COQ5: variants seen among roughly 807,000 people sequenced by gnomAD.
COQ5 encodes the protein coenzyme Q5, methyltransferase, also known as 2-methoxy-6-polyprenyl-1,4-benzoquinol methylase, mitochondrial.
In COQ5, 27 loss-of-function variants were observed where a neutral mutation model predicts 40.5. That is an observed-to-expected ratio of 0.67 (90% CI 0.49 to 0.92). The LOEUF is 0.92. Among genes scored for constraint, COQ5 ranks in the 40% least tolerant of loss-of-function variants. The pLI, the probability that COQ5 is intolerant of heterozygous loss-of-function variation, is 0.00. For synonymous variants in COQ5, 141 were observed against 150.0 expected (o/e 0.94, Z 0.44); for missense variants, 409 against 406.4 (o/e 1.01, Z -0.06).
intron 2 of COQ5, among the ~76,000 whole-genome samples, chr12:120,521,213 C>T (rs1341752208): frequency 1.3e-5 from 2 of 151,868 alleles, no homozygotes; most frequent in African/African-American, 2.4e-5. Context: ...ATTACAGGCA[C>T]CAGCTACCAC....
At chr12:120,523,672 T>C (rs960091763) in intron 1 of COQ5, among the ~76,000 whole-genome samples, 1 of 152,048 alleles carries the variant, frequency 6.6e-6, no homozygotes, top group Non-Finnish European at 1.5e-5. Context: ...GTGGGGGAAA[T>C]TGGAATTTTT....
At chr12:120,505,036 T>C in intron 4 of COQ5, 53 bp from the exon 5 acceptor site, 2 of 1,427,810 alleles carry the variant, frequency 1.4e-6, no homozygotes, top group African/African-American at 2.8e-5. Context: ...CTCACTCAAT[T>C]CCATGAGGCC....
chr12:120,513,634 C>T (rs546678734), intron 3 of COQ5, among the ~76,000 whole-genome samples: 2 of 150,618 alleles, frequency 1.3e-5, no homozygotes, highest in East Asian at 2.0e-4. Flanking sequence ...ATTCTCGTGC[C>T]TCAGCCTCCT....
At chr12:120,522,470 CA>C in intron 1 of COQ5, 107 bp from the exon 2 acceptor site, 1 of 1,026,024 alleles carries the variant, frequency 9.7e-7, no homozygotes, top group South Asian at 1.3e-5. Flanking sequence ...CCTGGCTTTG[CA>C]AGGTGAAACT....
At chr12:120,503,908 A>G in intron 6 of COQ5, 23 bp from the exon 7 acceptor site, 1 of 1,608,460 alleles carries the variant, frequency 6.2e-7, no homozygotes, top group Non-Finnish European at 8.5e-7. Context: ...GAAAGATGAT[A>G]AAGCCAGGGT....
intron 3 of COQ5, 76 bp from the exon 4 acceptor site, chr12:120,510,199 G>C (rs1869065143): frequency 8.5e-7 from 1 of 1,171,658 alleles, no homozygotes; most frequent in Non-Finnish European, 1.3e-6. Flanking sequence ...ATTTCATGTA[G>C]AGCATTGAGC....
At chr12:120,513,339 T>C (rs1869224627) in intron 3 of COQ5, among the ~76,000 whole-genome samples, 1 of 150,148 alleles carries the variant, frequency 6.7e-6, no homozygotes, top group African/African-American at 2.4e-5. Context: ...CCATCTCTAC[T>C]AAAAATACAA....
chr12:120,526,446 G>T, intron 1 of COQ5: 1 of 455,716 alleles, frequency 2.2e-6, no homozygotes, highest in South Asian at 1.6e-5. Context: ...ACTGCAGGAA[G>T]ATGAACTTAC....
chr12:120,504,720 A>G, intron 5 of COQ5, 175 bp downstream of exon 5: 1 of 661,146 alleles, frequency 1.5e-6, no homozygotes. Context: ...ATGTAAGCCA[A>G]CTTGGGTCTG....
At chr12:120,522,071 C>T (rs761977901) in intron 2 of COQ5, 143 bp downstream of exon 2, 30 of 753,572 alleles carry the variant, frequency 4.0e-5, no homozygotes, top group Non-Finnish European at 5.9e-5. Context: ...AAGATAAGTG[C>T]GTGCCTTTCT....
chr12:120,504,115 G>T, intron 5 of COQ5, 34 bp from the exon 6 acceptor site: 2 of 1,258,162 alleles, frequency 1.6e-6, no homozygotes, highest in South Asian at 1.2e-5. Flanking sequence ...ATGAAGATTA[G>T]AACATGCCCC....
chr12:120,505,799 G>A (rs555237082), intron 4 of COQ5, among the ~76,000 whole-genome samples: 1 of 152,074 alleles, frequency 6.6e-6, no homozygotes, highest in East Asian at 1.9e-4. Context: ...CAGGTGGTCT[G>A]CCAGCCTCGG....
At chr12:120,517,606 C>T (rs1869440148) in intron 2 of COQ5, among the ~76,000 whole-genome samples, 1 of 147,482 alleles carries the variant, frequency 6.8e-6, no homozygotes. Flanking sequence ...GGCATGAACC[C>T]AGGAGGCAGA....
intron 4 of COQ5, among the ~76,000 whole-genome samples, chr12:120,505,854 C>A (rs1868859573): frequency 1.4e-5 from 2 of 147,450 alleles, no homozygotes; most frequent in African/African-American, 5.0e-5. Flanking sequence ...CCGCACCCAG[C>A]CTATTTGTTT....
chr12:120,526,531 T>C, intron 1 of COQ5: 1 of 453,810 alleles, frequency 2.2e-6, no homozygotes, highest in South Asian at 1.6e-5. Flanking sequence ...GCAAAAACTT[T>C]CACATTAAAG....
intron 4 of COQ5, 66 bp from the exon 5 acceptor site, chr12:120,505,049 G>A (rs1868817789): frequency 1.5e-6 from 2 of 1,309,744 alleles, no homozygotes; most frequent in South Asian, 1.2e-5. Flanking sequence ...ATGAGGCCAA[G>A]ACAGCTTTAG....
chr12:120,513,031 C>T (rs1017361127), intron 3 of COQ5, among the ~76,000 whole-genome samples: 4 of 151,102 alleles, frequency 2.6e-5, no homozygotes, highest in African/African-American at 9.7e-5. Context: ...AACTCCTGAC[C>T]TGAGGTGATC....
rs950087423 is a variant in COQ5, at chr12:120,516,459, A to G, written c.574+108T>C. On this transcript the variant is annotated intron_variant, in intron 3 of 6. Coordinates refer to ENST00000288532, the MANE Select transcript of COQ5 (RefSeq NM_032314.4). Reference sequence around the variant, plus strand: ...CAAATCATCTTCAACCTGCCCATCTATAAGTTTCTGAAAGCCAAAAGATAA... The same window carrying G: ...CAAATCATCTTCAACCTGCCCATCTGTAAGTTTCTGAAAGCCAAAAGATAA... 13 of 950,690 alleles carry G rather than the reference A, an allele frequency of 1.4e-5. No individual in the cohort carries two copies. In the East Asian group the frequency reaches 1.4e-4, roughly 11 times the overall value. The allele number at this position is 950,690 out of a possible 1,614,324, so 58.9% of individuals were successfully genotyped here. A position where few individuals can be genotyped will look rare whatever the true frequency, so the allele number is the denominator to read the frequency against.
At chr12:120,509,674 A>G (rs1389970680) in intron 4 of COQ5, among the ~76,000 whole-genome samples, 2 of 152,136 alleles carry the variant, frequency 1.3e-5, no homozygotes, top group African/African-American at 2.4e-5. Context: ...AAATTTGTCA[A>G]CTTAAAGGAT....
Sources: gnomAD v4.1 joint callset for allele counts (sites outside exome capture counted in the v4.1 genomes callset) on GRCh38, gnomAD v4.1.1 for gene constraint, MANE v1.5 for transcripts, NCBI Gene and HGNC (gene_info 2026-07-23, HGNC 2026-07-21) for gene names.